The following SYT9 variants were observed in gnomAD, a reference collection of about 807,000 sequenced individuals.
SYT9 encodes synaptotagmin 9.
SYT9 carries 22 observed loss-of-function variants against 48.4 expected under a neutral mutation model. The ratio of observed to expected loss-of-function variants is 0.45; its 90% CI spans 0.32 to 0.65. The LOEUF is 0.65. Ranked by LOEUF, SYT9 falls within the 30% of genes least tolerant of loss-of-function variation. SYT9 has a pLI of 0.03. For missense variants in SYT9, 577 were observed against 622.0 expected (o/e 0.93, Z 0.77); for synonymous variants, 265 against 245.0 (o/e 1.08, Z -0.76).
intron 3 of SYT9, among the ~76,000 whole-genome samples, chr11:7,338,522 T>G (rs998977308): frequency 2.0e-5 from 3 of 152,214 alleles, no homozygotes; most frequent in African/African-American, 7.2e-5. Context: ...ACCTTAACTA[T>G]GTACCAGAAA....
intron 2 of SYT9, among the ~76,000 whole-genome samples, chr11:7,308,209 T>C (rs1408473657): frequency 1.3e-5 from 2 of 152,202 alleles, no homozygotes; most frequent in Non-Finnish European, 2.9e-5. Flanking sequence ...GACTTGAACA[T>C]AGGAAAGAAA....
chr11:7,287,753 GACTTTT>G (rs1322635621), intron 1 of SYT9, among the ~76,000 whole-genome samples: 4 of 152,104 alleles, frequency 2.6e-5, no homozygotes, highest in African/African-American at 9.7e-5. Flanking sequence ...AAATAATGAT[GACTTTT>G]AACTGCAACT....
intron 3 of SYT9, among the ~76,000 whole-genome samples, chr11:7,350,054 CT>C (rs1849882437): frequency 6.6e-6 from 1 of 152,168 alleles, no homozygotes; most frequent in Non-Finnish European, 1.5e-5. Context: ...CCGAGGATGC[CT>C]CATGGGTCAA....
intron 3 of SYT9, among the ~76,000 whole-genome samples, chr11:7,403,655 T>C (rs1357315123): frequency 6.6e-6 from 1 of 152,236 alleles, no homozygotes; most frequent in South Asian, 2.1e-4. Flanking sequence ...CTAATTTATT[T>C]CCATTGTGGT....
chr11:7,273,751 A>G (rs774122370), intron 1 of SYT9, among the ~76,000 whole-genome samples: 15 of 152,216 alleles, frequency 9.9e-5, no homozygotes, highest in African/African-American at 1.4e-4. Flanking sequence ...TAAAATTATT[A>G]CTGGATTTAT....
chr11:7,378,947 G>A (rs994582055), intron 3 of SYT9, among the ~76,000 whole-genome samples: 2 of 152,104 alleles, frequency 1.3e-5, no homozygotes, highest in African/African-American at 4.8e-5. Flanking sequence ...ACACACTGTG[G>A]CAGTCAGAGC....
At chr11:7,266,939 T>G (rs189070091) in intron 1 of SYT9, among the ~76,000 whole-genome samples, 4 of 152,228 alleles carry the variant, frequency 2.6e-5, no homozygotes, top group Admixed American at 2.6e-4. Flanking sequence ...TAGGAAGTAG[T>G]TTCATTAAAT....
rs1324656341 is a variant in SYT9, at chr11:7,383,850, C to T, written c.1045-32192C>T. 5.9e-5 allele frequency among the ~76,000 whole-genome samples: 9 copies of T among 152,238 alleles called. No homozygotes were observed. In the East Asian group the frequency reaches 1.7e-3, roughly 29 times the overall value. ...CAGTCCCTTGCACTATATGTCTAGG[C>T]TGCACGAGTTTTTAAATACAAGTGA... is the stretch of plus-strand genomic sequence containing the variant. On this transcript the variant is annotated intron_variant, in intron 3 of 6. Coordinates refer to ENST00000318881, the MANE Select transcript of SYT9 (RefSeq NM_175733.4).
chr11:7,321,417 C>G (rs1849335907), intron 3 of SYT9, among the ~76,000 whole-genome samples: 1 of 152,172 alleles, frequency 6.6e-6, no homozygotes, highest in Admixed American at 6.5e-5. Flanking sequence ...GCTTGCTCTT[C>G]ATAGTCGAAT....
At chr11:7,386,395 T>C (rs372835579) in intron 3 of SYT9, among the ~76,000 whole-genome samples, 40 of 151,276 alleles carry the variant, frequency 2.6e-4, no homozygotes, top group South Asian at 6.3e-4. Context: ...TGCAATCTAC[T>C]CATCTGACAA....
rs1849141353 is a variant in SYT9, at chr11:7,311,918, C to A, written c.498-1477C>A. 2.0e-5 allele frequency among the ~76,000 whole-genome samples: 3 copies of A among 152,184 alleles called. No individual in the cohort carries two copies. The South Asian group carries it at 6.2e-4, about 32-fold the overall frequency. On this transcript the variant is annotated intron_variant, in intron 2 of 6. Coordinates refer to ENST00000318881, the MANE Select transcript of SYT9 (RefSeq NM_175733.4). ...AAAGCCAGTTTTAGATGCTTAACAGCAACTCCTGCCTTCCCTCCCCCGCCC... is the reference window on the plus strand; with the variant it reads ...AAAGCCAGTTTTAGATGCTTAACAGAAACTCCTGCCTTCCCTCCCCCGCCC...
At chr11:7,242,709 A>G (rs1249714719) in intron 1 of SYT9, among the ~76,000 whole-genome samples, 2 of 152,100 alleles carry the variant, frequency 1.3e-5, no homozygotes, top group East Asian at 3.9e-4. Context: ...GGTAGATTAG[A>G]GGTGGGAAAA....
chr11:7,288,069 A>G (rs1026794944), intron 1 of SYT9, among the ~76,000 whole-genome samples: 9 of 152,106 alleles, frequency 5.9e-5, no homozygotes, highest in Non-Finnish European at 1.0e-4. Flanking sequence ...ACTTAGCTTT[A>G]TAGGATTATC....
chr11:7,423,425 C>T (rs1353987935), intron 6 of SYT9, among the ~76,000 whole-genome samples: 1 of 152,124 alleles, frequency 6.6e-6, no homozygotes, highest in African/African-American at 2.4e-5. Flanking sequence ...GTTGGAAGGA[C>T]CTATATTCGA....
chr11:7,253,615 T>A (rs1387955148), intron 1 of SYT9, among the ~76,000 whole-genome samples: 1 of 152,182 alleles, frequency 6.6e-6, no homozygotes, highest in African/African-American at 2.4e-5. Flanking sequence ...AATATTGTTT[T>A]CCATTGCCGG....
Position 7,241,189 on chromosome 11 carries a change from G to A in SYT9, c.49+2273G>A, listed in dbSNP as rs182889186. Reference sequence around the variant, plus strand: ...AGAGTTACTCTATTCCCAACAAGAAGGAAGAGGTGTTATTTAAAACACACA... The same window carrying A: ...AGAGTTACTCTATTCCCAACAAGAAAGAAGAGGTGTTATTTAAAACACACA... On this transcript the variant is annotated intron_variant and NMD_transcript_variant, in intron 1 of 8. Transcript: ENST00000524820. 6.7e-5 allele frequency among the ~76,000 whole-genome samples: 10 copies of A among 150,182 alleles called. No individual in the cohort carries two copies. The East Asian group carries it at 2.0e-3, about 29-fold the overall frequency.
chr11:7,357,465 C>T (rs1172987556), intron 3 of SYT9, among the ~76,000 whole-genome samples: 1 of 152,062 alleles, frequency 6.6e-6, no homozygotes, highest in Non-Finnish European at 1.5e-5. Context: ...AATGTCTCCT[C>T]AAAGATGGTA....
intron 5 of SYT9, among the ~76,000 whole-genome samples, chr11:7,419,393 C>G (rs1417402466): frequency 6.6e-6 from 1 of 151,990 alleles, no homozygotes; most frequent in Admixed American, 6.5e-5. Flanking sequence ...CCTCCCCACC[C>G]TCATCTCACC....
rs186725894 is a variant in SYT9, at chr11:7,301,313, C to T, written c.146-1726C>T. On this transcript the variant is annotated intron_variant, in intron 1 of 6. Transcript: ENST00000318881. ...ATGTTAAATCCATCAACAGTCCTGG[C>T]AGCTGGCTTTCTTTTAAGAGCAATT... 2.9e-4 allele frequency among the ~76,000 whole-genome samples: 44 copies of T among 152,322 alleles called. 1 individual carries two copies. In the South Asian group the frequency reaches 8.7e-3, roughly 30 times the overall value.
Sources: gnomAD v4.1 joint callset for allele counts (sites outside exome capture counted in the v4.1 genomes callset) on GRCh38, gnomAD v4.1.1 for gene constraint, MANE v1.5 for transcripts, NCBI Gene and HGNC (gene_info 2026-07-23, HGNC 2026-07-21) for gene names.